Variants in APPBP2 observed in about 807,000 individuals in gnomAD.
APPBP2 encodes amyloid beta precursor protein binding protein 2.
In APPBP2, 15 loss-of-function variants were observed where a neutral mutation model predicts 76.0. The observed-to-expected ratio is 0.20, with a 90% CI of 0.13 to 0.30. APPBP2 has a LOEUF of 0.30. Ranked by LOEUF, APPBP2 falls within the 10% of genes least tolerant of loss-of-function variation. The pLI is 1.00. For synonymous variants in APPBP2, 222 were observed against 242.2 expected, an observed-to-expected ratio of 0.92 and a Z score of 0.77; for missense variants, 401 against 687.2, an observed-to-expected ratio of 0.58 and a Z score of 4.66.
At chr17:60,470,592 T>A (rs1282447371) in intron 4 of APPBP2, among the ~76,000 whole-genome samples, 1 of 151,970 alleles carries the variant, frequency 6.6e-6, no homozygotes, top group Admixed American at 6.6e-5. Flanking sequence ...ATTAATTAAA[T>A]TTTTAACAGA....
At chr17:60,463,886 C>T in intron 6 of APPBP2, 135 bp downstream of exon 6, 1 of 547,208 alleles carries the variant, frequency 1.8e-6, no homozygotes, top group Non-Finnish European at 3.1e-6. Flanking sequence ...TAAAAATGAG[C>T]ACAGAAACTT....
chr17:60,518,201 T>A (rs1302371399), intron 1 of APPBP2, among the ~76,000 whole-genome samples: 1 of 151,942 alleles, frequency 6.6e-6, no homozygotes, highest in Non-Finnish European at 1.5e-5. Context: ...TATGTCGCCA[T>A]GCCTAGCTTA....
At chr17:60,458,929 T>C (rs146360674) in intron 9 of APPBP2, among the ~76,000 whole-genome samples, 2,261 of 152,042 alleles carry the variant, frequency 0.015, 49 homozygotes, top group African/African-American at 0.05. Flanking sequence ...CATGCCACCA[T>C]GCCTGGCTAA....
At chr17:60,503,536 C>T (rs917130799) in intron 1 of APPBP2, among the ~76,000 whole-genome samples, 1 of 144,718 alleles carries the variant, frequency 6.9e-6, no homozygotes, top group Non-Finnish European at 1.5e-5. Flanking sequence ...CAGGCGCCCG[C>T]CACCACGCCC....
chr17:60,472,711 AAAG>A (rs879848634), intron 4 of APPBP2, among the ~76,000 whole-genome samples: 4 of 152,222 alleles, frequency 2.6e-5, no homozygotes, highest in Non-Finnish European at 4.4e-5. Context: ...ACTGGTACAC[AAAG>A]AATTAGCAGA....
chr17:60,451,622 C>T (rs1359515766), intron 12 of APPBP2, among the ~76,000 whole-genome samples: 1 of 152,006 alleles, frequency 6.6e-6, no homozygotes, highest in African/African-American at 2.4e-5. Flanking sequence ...TACAGACATG[C>T]ACCATCATGC....
rs2090334869 is a variant in APPBP2, at chr17:60,445,061, G to T, written c.*2520C>A. On this transcript the variant is annotated 3_prime_UTR_variant, in exon 13 of 13. Coordinates refer to ENST00000083182, the MANE Select transcript of APPBP2 (RefSeq NM_006380.5). ...TTATCCTAAACATCCCTACTTAAAG[G>T]ATGAATCTTACACTTAAAGTCATAG... 6.6e-6 allele frequency: 1 copy of T among 152,008 alleles called. No individual in the cohort carries two copies. The highest frequency in any genetic ancestry group is 1.5e-5 in the Non-Finnish European group (1 of 68,006). 9.4% of individuals were successfully genotyped at this position (152,008 alleles called of 1,614,324 possible).
At chr17:60,501,889 C>T (rs184349914) in intron 1 of APPBP2, among the ~76,000 whole-genome samples, 4 of 152,178 alleles carry the variant, frequency 2.6e-5, no homozygotes, top group Admixed American at 1.3e-4. Context: ...ATATATTAAT[C>T]CAAATCCATA....
chr17:60,453,821 C>G (rs1319820005), intron 11 of APPBP2, among the ~76,000 whole-genome samples: 7 of 152,118 alleles, frequency 4.6e-5, no homozygotes, highest in Non-Finnish European at 8.8e-5. Flanking sequence ...CAGGCATAAG[C>G]CACTGTGCCT....
chr17:60,520,868 T>C (rs1041661617), intron 1 of APPBP2, among the ~76,000 whole-genome samples: 3 of 152,162 alleles, frequency 2.0e-5, no homozygotes, highest in African/African-American at 7.2e-5. Context: ...GGCCATAAAC[T>C]TCATTCTTTA....
chr17:60,506,491 C>A (rs1227879248), intron 1 of APPBP2, among the ~76,000 whole-genome samples: 1 of 152,222 alleles, frequency 6.6e-6, no homozygotes, highest in Non-Finnish European at 1.5e-5. Context: ...CACTATGTCA[C>A]TTCCTCACAG....
intron 3 of APPBP2, among the ~76,000 whole-genome samples, 158 bp downstream of exon 3, chr17:60,494,308 G>T (rs2143432579): frequency 6.6e-6 from 1 of 152,302 alleles, no homozygotes; most frequent in South Asian, 2.1e-4. Context: ...CTATTTAAAT[G>T]TATAGTATAA....
chr17:60,498,300 ATCT>A (rs1211865332), intron 2 of APPBP2, among the ~76,000 whole-genome samples: 1 of 152,140 alleles, frequency 6.6e-6, no homozygotes, highest in Non-Finnish European at 1.5e-5. Flanking sequence ...AGAACAAATT[ATCT>A]TCTCTTTGTC....
intron 8 of APPBP2, chr17:60,461,516 T>C (rs570756916): frequency 3.7e-6 from 1 of 268,916 alleles, no homozygotes; most frequent in Admixed American, 5.0e-5. Context: ...TTAGTGACAT[T>C]TGCTAAATCA....
At chr17:60,521,221 C>T (rs146768735) in intron 1 of APPBP2, among the ~76,000 whole-genome samples, 3 of 152,250 alleles carry the variant, frequency 2.0e-5, no homozygotes, top group East Asian at 1.9e-4. Flanking sequence ...AGTCAACAAC[C>T]GACTGCATAT....
intron 1 of APPBP2, among the ~76,000 whole-genome samples, chr17:60,514,261 T>C (rs1046534461): frequency 3.9e-5 from 6 of 152,038 alleles, no homozygotes; most frequent in African/African-American, 1.2e-4. Context: ...ACCACTGCAT[T>C]CCAGCCTGGG....
chr17:60,498,908 C>T (rs1567935880), intron 2 of APPBP2, among the ~76,000 whole-genome samples: 1 of 151,906 alleles, frequency 6.6e-6, no homozygotes, highest in Non-Finnish European at 1.5e-5. Context: ...TGGTACTATA[C>T]TTATGAGGCA....
intron 3 of APPBP2, among the ~76,000 whole-genome samples, chr17:60,492,255 G>A (rs1347021450): frequency 6.6e-6 from 1 of 152,184 alleles, no homozygotes; most frequent in East Asian, 1.9e-4. Context: ...GTTTGCTGCA[G>A]GGTGAGGTCC....
chr17:60,485,634 C>T (rs2090669326), intron 3 of APPBP2, among the ~76,000 whole-genome samples: 1 of 152,116 alleles, frequency 6.6e-6, no homozygotes, highest in Non-Finnish European at 1.5e-5. Context: ...TTTTGTTGAT[C>T]TTTTCAAAAA....
Sources: allele counts gnomAD v4.1 joint callset (sites outside exome capture counted in the v4.1 genomes callset), GRCh38; gene constraint gnomAD v4.1.1; transcripts MANE v1.5; gene names NCBI Gene and HGNC (gene_info 2026-07-23, HGNC 2026-07-21).